Variants in ZNF385B observed in about 807,000 individuals in gnomAD.
The protein encoded by ZNF385B is zinc finger protein 385B, also known as zinc finger protein 533.
In ZNF385B, 23 loss-of-function variants were observed where a neutral mutation model predicts 39.2. The ratio of observed to expected loss-of-function variants is 0.59; its 90% CI spans 0.42 to 0.83. The LOEUF (loss-of-function observed/expected upper bound fraction) is 0.83, where lower values mean the gene tolerates loss of function less well. Ranked by LOEUF, ZNF385B falls within the 40% of genes least tolerant of loss-of-function variation. The pLI, the probability that ZNF385B is intolerant of heterozygous loss-of-function variation, is 0.00. For missense variants in ZNF385B, 552 were observed against 598.9 expected (o/e 0.92, Z 0.82); for synonymous variants, 205 against 222.6 (o/e 0.92, Z 0.70).
At chr2:179,749,199 CT>C (rs1027720398) in intron 3 of ZNF385B, among the ~76,000 whole-genome samples, 1 of 151,910 alleles carries the variant, frequency 6.6e-6, no homozygotes, top group African/African-American at 2.4e-5. Context: ...CTCCCTATAC[CT>C]TTCACATCAA....
At chr2:179,663,148 T>C (rs762558349) in intron 3 of ZNF385B, among the ~76,000 whole-genome samples, 5 of 152,232 alleles carry the variant, frequency 3.3e-5, no homozygotes, top group Non-Finnish European at 7.3e-5. Context: ...AATATGATGG[T>C]ACTTGAAACC....
chr2:179,722,547 A>G (rs572627433), intron 3 of ZNF385B, among the ~76,000 whole-genome samples: 1 of 152,254 alleles, frequency 6.6e-6, no homozygotes, highest in South Asian at 2.1e-4. Context: ...TACAGAAGAA[A>G]GAAAAATGCA....
At chr2:179,678,949 A>C (rs1182375021) in intron 3 of ZNF385B, among the ~76,000 whole-genome samples, 1 of 152,230 alleles carries the variant, frequency 6.6e-6, no homozygotes, top group Non-Finnish European at 1.5e-5. Context: ...ATTTGAATTT[A>C]ACCAATGTTC....
intron 1 of ZNF385B, among the ~76,000 whole-genome samples, chr2:179,846,160 T>C (rs1169419104): frequency 6.6e-6 from 1 of 152,240 alleles, no homozygotes; most frequent in Non-Finnish European, 1.5e-5. Context: ...GTTATTTTTA[T>C]GTTTACATTT....
Position 179,504,967 on chromosome 2 carries a change from A to G in ZNF385B, c.552+13561T>C, listed in dbSNP as rs570201950. Among the ~76,000 whole-genome samples, 15 of 152,252 alleles carry G rather than the reference A, an allele frequency of 9.9e-5. No individual in the cohort carries two copies. In the South Asian group the frequency reaches 3.1e-3, roughly 32 times the overall value. ...ATGCAACACTGGGGATTAGGAGTCAACAAGAGATTGGGTGGGGACACAGAT... is the reference window on the plus strand; with the variant it reads ...ATGCAACACTGGGGATTAGGAGTCAGCAAGAGATTGGGTGGGGACACAGAT... On this transcript the variant is annotated intron_variant, in intron 5 of 9. Transcript: ENST00000410066.
intron 1 of ZNF385B, among the ~76,000 whole-genome samples, chr2:179,776,219 A>G (rs1012893217): frequency 3.9e-5 from 6 of 152,222 alleles, no homozygotes; most frequent in Non-Finnish European, 7.3e-5. Flanking sequence ...GAAGGAAGAG[A>G]TGTTTTCACT....
intron 3 of ZNF385B, among the ~76,000 whole-genome samples, chr2:179,739,472 T>C (rs1701961194): frequency 6.6e-6 from 1 of 152,210 alleles, no homozygotes; most frequent in Admixed American, 6.5e-5. Context: ...CTATTTGGGT[T>C]TAGAACTAAG....
chr2:179,701,584 C>T (rs10930883), intron 3 of ZNF385B, among the ~76,000 whole-genome samples: 42,574 of 152,134 alleles, frequency 0.28, 8,303 homozygotes, highest in East Asian at 0.57. Context: ...TCTTAAGCAT[C>T]AGTTTAAAAT....
chr2:179,769,932 A>G, intron 2 of ZNF385B, 130 bp from the exon 3 acceptor site: 1 of 811,734 alleles, frequency 1.2e-6, no homozygotes, highest in Non-Finnish European at 1.9e-6. Flanking sequence ...ACTACTAGAA[A>G]AAAAATCATC....
chr2:179,860,568 G>T (rs1439392744), intron 1 of ZNF385B, among the ~76,000 whole-genome samples: 1 of 152,060 alleles, frequency 6.6e-6, no homozygotes, highest in Non-Finnish European at 1.5e-5. Flanking sequence ...CAAACTTCGG[G>T]GACCTTCTCT....
intron 3 of ZNF385B, among the ~76,000 whole-genome samples, chr2:179,760,374 CT>C (rs1312964519): frequency 1.3e-5 from 2 of 152,002 alleles, no homozygotes; most frequent in African/African-American, 4.8e-5. Context: ...CTAATTTGTC[CT>C]CTACTTCTAC....
intron 1 of ZNF385B, among the ~76,000 whole-genome samples, chr2:179,798,236 A>G (rs1705802282): frequency 6.6e-6 from 1 of 151,950 alleles, no homozygotes; most frequent in African/African-American, 2.4e-5. Flanking sequence ...AGTAGCCTTT[A>G]TAGCTTCCTT....
chr2:179,670,444 A>C (rs1695813620), intron 3 of ZNF385B, among the ~76,000 whole-genome samples: 1 of 152,164 alleles, frequency 6.6e-6, no homozygotes, highest in Admixed American at 6.5e-5. Context: ...AACAGTCATA[A>C]GAAAAACTCA....
intron 5 of ZNF385B, among the ~76,000 whole-genome samples, chr2:179,506,654 CT>C (rs1414451308): frequency 6.6e-6 from 1 of 151,800 alleles, no homozygotes; most frequent in Non-Finnish European, 1.5e-5. Context: ...AACTGTTTAC[CT>C]TTTTCTCTTT....
intron 1 of ZNF385B, among the ~76,000 whole-genome samples, chr2:179,824,744 A>G (rs1707586289): frequency 6.6e-6 from 1 of 150,498 alleles, no homozygotes; most frequent in Non-Finnish European, 1.5e-5. Context: ...TAATATCTTA[A>G]GTGTGACTTC....
intron 3 of ZNF385B, among the ~76,000 whole-genome samples, chr2:179,750,660 T>C (rs187877848): frequency 6.6e-6 from 1 of 152,250 alleles, no homozygotes; most frequent in Non-Finnish European, 1.5e-5. Flanking sequence ...ATATGGGCTC[T>C]ATCCAATACA....
At chr2:179,815,495 C>G (rs1431696313) in intron 1 of ZNF385B, among the ~76,000 whole-genome samples, 1 of 152,014 alleles carries the variant, frequency 6.6e-6, no homozygotes, top group African/African-American at 2.4e-5. Context: ...AGAACTATAC[C>G]GGTATTTCTG....
chr2:179,739,484 A>C (rs1395946374), intron 3 of ZNF385B, among the ~76,000 whole-genome samples: 1 of 152,216 alleles, frequency 6.6e-6, no homozygotes, highest in Non-Finnish European at 1.5e-5. Context: ...AGAACTAAGC[A>C]TAGTGGGGTA....
chr2:179,516,978 T>C (rs982447311), intron 5 of ZNF385B, among the ~76,000 whole-genome samples: 1 of 151,900 alleles, frequency 6.6e-6, no homozygotes, highest in African/African-American at 2.4e-5. Context: ...GTACTTCTTC[T>C]AGCACTGTTT....
Sources: gnomAD v4.1 joint callset for allele counts (sites outside exome capture counted in the v4.1 genomes callset) on GRCh38, gnomAD v4.1.1 for gene constraint, MANE v1.5 for transcripts, NCBI Gene and HGNC (gene_info 2026-07-23, HGNC 2026-07-21) for gene names.